The following ZDHHC11 variants were observed in gnomAD, a reference collection of about 807,000 sequenced individuals.
ZDHHC11 encodes palmitoyltransferase ZDHHC11.
Under a neutral mutation model 51.3 loss-of-function variants are expected in ZDHHC11, and 44 were observed. The ratio of observed to expected loss-of-function variants is 0.86; its 90% CI spans 0.67 to 1.10. ZDHHC11 has a LOEUF of 1.10. Ranked by LOEUF, ZDHHC11 falls within the 50% of genes least tolerant of loss-of-function variation. The probability of loss-of-function intolerance (pLI) is 0.00; values close to 1 mark genes in which losing one functional copy is unlikely to be tolerated. For missense variants in ZDHHC11, 400 were observed against 537.7 expected (o/e 0.74, Z 2.53); for synonymous variants, 163 against 222.0 (o/e 0.73, Z 2.36).
upstream of ZDHHC11, among the ~76,000 whole-genome samples, chr5:852,106 T>C (rs186695243): frequency 5.9e-3 from 849 of 143,100 alleles, 5 homozygotes; most frequent in Middle Eastern, 0.029. Context: ...AGGAAGGAAA[T>C]AGAAACACAG....
At chr5:806,756 A>G (rs1739314611) in intron 11 of ZDHHC11, among the ~76,000 whole-genome samples, 1 of 150,766 alleles carries the variant, frequency 6.6e-6, no homozygotes, top group Non-Finnish European at 1.5e-5. Flanking sequence ...GAAAACTCGT[A>G]TGGCTCACAT....
intron 7 of ZDHHC11, among the ~76,000 whole-genome samples, chr5:827,348 C>T (rs1267975168): frequency 6.6e-6 from 1 of 150,522 alleles, no homozygotes; most frequent in Non-Finnish European, 1.5e-5. Flanking sequence ...CAGGCAACAA[C>T]TAGCATGATC....
At chr5:806,062 T>C (rs913035814) in intron 11 of ZDHHC11, among the ~76,000 whole-genome samples, 6 of 150,256 alleles carry the variant, frequency 4.0e-5, no homozygotes, top group Admixed American at 6.6e-5. Flanking sequence ...ATGGGGGAGG[T>C]GCTGGAAAGG....
intron 6 of ZDHHC11, among the ~76,000 whole-genome samples, 191 bp downstream of exon 6, chr5:837,174 C>T: frequency 6.6e-6 from 1 of 152,128 alleles, no homozygotes; most frequent in Non-Finnish European, 1.5e-5. Flanking sequence ...TGGTGCATGA[C>T]TGGTGTTTAT....
chr5:839,898 G>A (rs1404936786), intron 5 of ZDHHC11: 1 of 363,152 alleles, frequency 2.8e-6, no homozygotes, highest in African/African-American at 2.2e-5. Flanking sequence ...GGCCCACCAT[G>A]ACCAAAACGG....
intron 3 of ZDHHC11, among the ~76,000 whole-genome samples, chr5:846,109 G>A (rs1314335440): frequency 6.6e-6 from 1 of 150,470 alleles, no homozygotes; most frequent in East Asian, 1.9e-4. Context: ...CAGGGGAGGA[G>A]GCCGGTGGGT....
chr5:845,475 G>A (rs1229581022), intron 3 of ZDHHC11, among the ~76,000 whole-genome samples: 9 of 152,210 alleles, frequency 5.9e-5, no homozygotes, highest in Non-Finnish European at 1.2e-4. Flanking sequence ...GGTTAGCACA[G>A]CCTCCTGCCC....
intron 9 of ZDHHC11, among the ~76,000 whole-genome samples, chr5:820,142 GT>G (rs1741380987): frequency 6.6e-6 from 1 of 151,268 alleles, no homozygotes; most frequent in Admixed American, 6.6e-5. Context: ...TGTAATTCCG[GT>G]TATAGTTACA....
intron 8 of ZDHHC11, chr5:823,812 G>T: frequency 2.9e-6 from 1 of 339,334 alleles, no homozygotes; most frequent in South Asian, 2.3e-5. Context: ...AAATGCACCT[G>T]TGCAGAAGGT....
At chr5:816,519 T>G (rs537366851) in intron 10 of ZDHHC11, 11 of 528,150 alleles carry the variant, frequency 2.1e-5, no homozygotes, top group South Asian at 1.6e-4. Flanking sequence ...TGAAAAACTC[T>G]GGATGATTCT....
intron 6 of ZDHHC11, 100 bp from the exon 7 acceptor site, chr5:833,907 A>T (rs1392244575): frequency 1.4e-6 from 2 of 1,426,324 alleles, no homozygotes; most frequent in African/African-American, 2.8e-5. Context: ...GGTTTTGAGG[A>T]ATGGTACCTG....
At chr5:857,536 A>G (rs192718513) in intron 1 of ZDHHC11, among the ~76,000 whole-genome samples, 157 of 147,308 alleles carry the variant, frequency 1.1e-3, no homozygotes, top group African/African-American at 3.8e-3. Flanking sequence ...AGGCCCCTAG[A>G]GTCTGTCCTG....
intron 4 of ZDHHC11, chr5:842,095 G>A (rs1188875272): frequency 1.0e-6 from 1 of 986,484 alleles, no homozygotes; most frequent in African/African-American, 1.7e-5. Context: ...GAATCATCTG[G>A]AACAGCAAAC....
upstream of ZDHHC11, among the ~76,000 whole-genome samples, chr5:851,415 G>C (rs992934860): frequency 1.3e-5 from 2 of 152,134 alleles, no homozygotes; most frequent in South Asian, 4.1e-4. Flanking sequence ...CGGGGTGGGG[G>C]GTTGATCTTG....
intron 1 of ZDHHC11, among the ~76,000 whole-genome samples, chr5:856,185 CCACA>C (rs935777554): frequency 9.2e-5 from 14 of 151,784 alleles, no homozygotes; most frequent in Non-Finnish European, 2.9e-5. Flanking sequence ...AGACCACGTA[CCACA>C]CACACCACAC....
chr5:814,756 C>T lies in ZDHHC11; in HGVS notation c.1181+5G>A, dbSNP rs1481651754. 1.9e-6 allele frequency: 3 copies of T among 1,559,848 alleles called. No individual in the cohort carries two copies. In the African/African-American group the frequency reaches 4.1e-5, roughly 21 times the overall value. On this transcript the variant is annotated splice_donor_5th_base_variant and intron_variant, in intron 11 of 12. Coordinates refer to ENST00000283441, the MANE Select transcript of ZDHHC11 (RefSeq NM_024786.3). The stretch of plus-strand genomic sequence containing the variant: ...AAAACGTTCCCGTTAAACTTACGAA[C>T]TTACCCAAGTGTAGATATACTCGGG...
rs748902411 is a variant in ZDHHC11, at chr5:801,155, T to C, written c.1191A>G (p.Gln397=). 3.1e-6 allele frequency: 5 copies of C among 1,611,036 alleles called. No individual in the cohort carries two copies. The highest frequency in any genetic ancestry group is 3.3e-5 in the Admixed American group (2 of 59,910). Residue 397 remains glutamine (Q), a synonymous_variant, in exon 12 of 13, where the codon CAA becomes CAG. Coordinates refer to ENST00000283441, the MANE Select transcript of ZDHHC11 (RefSeq NM_024786.3). The part of the protein sequence containing the change: ...APSISTLGLQ[Q]ETTEPMKTDS... ...CAGTTTTCATGGGCTCTGTTGTTTC[T>C]TGTTGCAGCCTGTTTGCAATATTCA...
chr5:824,122 T>A (rs1741949739), intron 8 of ZDHHC11: 1 of 453,334 alleles, frequency 2.2e-6, no homozygotes, highest in Non-Finnish European at 4.4e-6. Context: ...AGAACACACC[T>A]GTAACCTCCA....
In ZDHHC11 at chr5:850,146, C is replaced by G. The variant is rs1195323274; in HGVS notation, c.222+235G>C. On this transcript the variant is annotated intron_variant, in intron 1 of 12. Transcript: ENST00000283441. ...GCCAGGGGGCTGCTGTCCCTCCTGA[C>G]AGATTCCCTCTCCGGAGCCCCCTCA... The G allele has an allele frequency of 1.2e-5, 7 of 561,966 alleles. No homozygotes were observed. The East Asian group carries it at 1.5e-4, about 12-fold the overall frequency. The allele number at this position is 561,966 out of a possible 1,614,324, so 34.8% of individuals were successfully genotyped here.
Sources: allele counts gnomAD v4.1 joint callset (sites outside exome capture counted in the v4.1 genomes callset), GRCh38; gene constraint gnomAD v4.1.1; transcripts MANE v1.5; gene names NCBI Gene and HGNC (gene_info 2026-07-23, HGNC 2026-07-21).